The following ADD1 variants were observed in gnomAD, a reference collection of about 807,000 sequenced individuals.
ADD1 encodes alpha-adducin.
In ADD1, 24 loss-of-function variants were observed where a neutral mutation model predicts 80.5. That is an observed-to-expected ratio of 0.30 (90% CI 0.22 to 0.42). The LOEUF (loss-of-function observed/expected upper bound fraction) is 0.42. Ranked by LOEUF, ADD1 falls within the 10% of genes least tolerant of loss-of-function variation. The pLI is 1.00. For synonymous variants in ADD1, 373 were observed against 393.8 expected (o/e 0.95, Z 0.63); for missense variants, 948 against 1,019.0 (o/e 0.93, Z 0.95).
chr4:2,880,432 T>A (rs1732060187), intron 2 of ADD1, among the ~76,000 whole-genome samples: 2 of 151,832 alleles, frequency 1.3e-5, no homozygotes, highest in Admixed American at 1.3e-4. Flanking sequence ...GGATATCATT[T>A]ATAATTGTTT....
intron 1 of ADD1, among the ~76,000 whole-genome samples, chr4:2,852,868 T>TA (rs201235064): frequency 6.6e-5 from 10 of 151,746 alleles, no homozygotes; most frequent in Admixed American, 1.3e-4. Context: ...CCCAGCTAAC[T>TA]AAAAAAATTT....
rs1216502874 is a variant in ADD1 at position 2,860,177 on chromosome 4, TTTC to T, written c.-20-15713_-20-15711del. ...CTTCCCTGAGGTCTAGAAATCTCCT[TTTC>T]TTCTTTTCTTATTGTCCTACCTCTG... On this transcript the variant is annotated intron_variant, in intron 1 of 15. Coordinates refer to ENST00000683351, the MANE Select transcript of ADD1 (RefSeq NM_001354761.2). Among the ~76,000 whole-genome samples the T allele has an allele frequency of 4.6e-5, 7 of 152,294 alleles. No individual in the cohort carries two copies. In the East Asian group the frequency reaches 1.3e-3, roughly 29 times the overall value.
intron 1 of ADD1, among the ~76,000 whole-genome samples, chr4:2,850,287 A>T (rs986554080): frequency 1.3e-5 from 2 of 152,200 alleles, no homozygotes; most frequent in African/African-American, 4.8e-5. Flanking sequence ...GTTTTTTGTG[A>T]GACTGAATCT....
intron 2 of ADD1, among the ~76,000 whole-genome samples, chr4:2,878,148 T>C (rs1731659906): frequency 6.6e-6 from 1 of 151,990 alleles, no homozygotes; most frequent in Middle Eastern, 3.2e-3. Context: ...ATGCTGAGAT[T>C]GAGAGTTTCC....
intron 9 of ADD1, among the ~76,000 whole-genome samples, chr4:2,903,578 T>C (rs1344760111): frequency 6.6e-6 from 1 of 152,190 alleles, no homozygotes; most frequent in Non-Finnish European, 1.5e-5. Flanking sequence ...CTTGGCAGCT[T>C]TACTTCTTCA....
At chr4:2,910,475 AG>A (rs1314601083) in intron 13 of ADD1, among the ~76,000 whole-genome samples, 2 of 152,156 alleles carry the variant, frequency 1.3e-5, no homozygotes, top group Non-Finnish European at 2.9e-5. Context: ...AGCTTCTCAG[AG>A]CAGGGGAGAA....
intron 3 of ADD1, among the ~76,000 whole-genome samples, chr4:2,883,679 T>C (rs1270185575): frequency 6.9e-6 from 1 of 144,122 alleles, no homozygotes; most frequent in Admixed American, 6.9e-5. Flanking sequence ...TTCTCTTTTC[T>C]TTTTTTTTTT....
chr4:2,848,635 AT>A (rs397823169), intron 1 of ADD1, among the ~76,000 whole-genome samples: 699 of 141,860 alleles, frequency 4.9e-3, no homozygotes, highest in Admixed American at 7.3e-3. Flanking sequence ...GGCTTGGCTA[AT>A]TTTTTTTTTT....
intron 4 of ADD1, among the ~76,000 whole-genome samples, chr4:2,888,152 T>A (rs1328523540): frequency 6.6e-6 from 1 of 150,500 alleles, no homozygotes; most frequent in Non-Finnish European, 1.5e-5. Flanking sequence ...CTCTGCCGCC[T>A]CGGTTCAAGT....
chr4:2,927,667 C>T (rs556195533), intron 15 of ADD1, among the ~76,000 whole-genome samples: 1 of 152,326 alleles, frequency 6.6e-6, no homozygotes, highest in South Asian at 2.1e-4. Context: ...CCAGCCTAAA[C>T]GGCTTTGTTC....
chr4:2,851,513 C>G (rs1727068182), intron 1 of ADD1, among the ~76,000 whole-genome samples: 4 of 152,212 alleles, frequency 2.6e-5, no homozygotes, highest in Admixed American at 1.3e-4. Flanking sequence ...CTCTCCCTCT[C>G]TCTCAAAATA....
intron 1 of ADD1, among the ~76,000 whole-genome samples, chr4:2,869,007 C>G (rs555501397): frequency 5.3e-5 from 8 of 152,198 alleles, no homozygotes; most frequent in Non-Finnish European, 1.0e-4. Flanking sequence ...TGACTGCGCT[C>G]ACTCTGCTGT....
rs372777117 is a variant in ADD1, at chr4:2,898,494, A to G, written c.947A>G (p.Tyr316Cys). The change falls in exon 8 of 16, where the codon TAT (tyrosine) becomes TGT (cysteine). Residue 316 changes from tyrosine to cysteine, a missense_variant. Coordinates refer to ENST00000683351, the MANE Select transcript of ADD1 (RefSeq NM_001354761.2). ...GGAGAGAGCGTTGAGGAGGCCTTCT[A>G]TTACATCCATAACCTTGTGGTTGCC... ...SVGESVEEAF[Y>C]YIHNLVVACE... 2.5e-6 allele frequency: 4 copies of G among 1,614,122 alleles called. No homozygotes were observed. The highest frequency in any genetic ancestry group is 1.7e-5 in the Admixed American group (1 of 60,010).
In ADD1 at chr4:2,907,785, C is replaced by G. The variant is rs774755781; in HGVS notation, c.1549C>G (p.Pro517Ala). The G allele has an allele frequency of 5.6e-6, 9 of 1,614,062 alleles. No individual in the cohort carries two copies. The South Asian group carries it at 9.9e-5, about 18-fold the overall frequency. Residue 517 changes from proline (P) to alanine (A), a missense_variant, in exon 11 of 16, where the codon CCT (proline) becomes GCT (alanine). By Grantham distance (27) the Pro-to-Ala change is conservative. Coordinates refer to ENST00000683351, the MANE Select transcript of ADD1 (RefSeq NM_001354761.2). Reference protein sequence around the residue: ...DGHRTSTSAVPNLFVPLNTNP... With the variant: ...DGHRTSTSAVANLFVPLNTNP... Reference sequence around the variant, plus strand: ...ACATAGAACTTCCACCTCTGCTGTCCCTAACCTGTTTGTTCCATTGAACAC... The same window carrying G: ...ACATAGAACTTCCACCTCTGCTGTCGCTAACCTGTTTGTTCCATTGAACAC...
At chr4:2,897,719 C>T (rs909587481) in intron 6 of ADD1, among the ~76,000 whole-genome samples, 10 of 151,644 alleles carry the variant, frequency 6.6e-5, no homozygotes, top group Admixed American at 5.9e-4. Flanking sequence ...GCGGGGGTCT[C>T]ACTTTGTTGC....
intron 1 of ADD1, among the ~76,000 whole-genome samples, chr4:2,864,724 T>C (rs1482647320): frequency 6.6e-6 from 1 of 151,406 alleles, no homozygotes; most frequent in East Asian, 2.0e-4. Flanking sequence ...TGGAGTCTAC[T>C]CTCCAGGAGG....
chr4:2,870,940 GT>G (rs56280770), intron 1 of ADD1, among the ~76,000 whole-genome samples: 79,225 of 149,968 alleles, frequency 0.53, 21,416 homozygotes, highest in African/African-American at 0.64. Context: ...GCTGCATGCT[GT>G]TTTTTTTGTA....
chr4:2,844,008 C>T lies in ADD1; in HGVS notation c.-37C>T, dbSNP rs1163015558. 6.6e-6 allele frequency: 1 copy of T among 151,550 alleles called. No homozygotes were observed. The highest frequency in any genetic ancestry group is 1.5e-5 in the Non-Finnish European group (1 of 67,864). 9.4% of individuals were successfully genotyped at this position (151,550 alleles called of 1,614,324 possible). A position where few individuals can be genotyped will look rare whatever the true frequency, so the allele number is the denominator to read the frequency against. On this transcript the variant is annotated 5_prime_UTR_variant, in exon 1 of 16. Coordinates refer to ENST00000683351, the MANE Select transcript of ADD1 (RefSeq NM_001354761.2). ...GGACCCCGGAATCCCGCGCGCTGCCCACGATTCGCTTCTGAGGTGAGGCTA... is the reference window on the plus strand; with the variant it reads ...GGACCCCGGAATCCCGCGCGCTGCCTACGATTCGCTTCTGAGGTGAGGCTA...
At chr4:2,851,540 A>AT (rs930851852) in intron 1 of ADD1, among the ~76,000 whole-genome samples, 2 of 152,142 alleles carry the variant, frequency 1.3e-5, no homozygotes, top group Admixed American at 6.5e-5. Context: ...ATGTAGAGGT[A>AT]TTTTTTTGTC....
Sources: allele counts gnomAD v4.1 joint callset (sites outside exome capture counted in the v4.1 genomes callset), GRCh38; gene constraint gnomAD v4.1.1; transcripts MANE v1.5; gene names NCBI Gene and HGNC (gene_info 2026-07-23, HGNC 2026-07-21).